Variants in TMCC1 observed in about 807,000 individuals in gnomAD.
TMCC1 encodes the protein transmembrane and coiled-coil domains protein 1.
In TMCC1, 15 loss-of-function variants were observed where a neutral mutation model predicts 52.4. The ratio of observed to expected loss-of-function variants is 0.29; its 90% CI spans 0.19 to 0.44. The LOEUF (loss-of-function observed/expected upper bound fraction) is 0.44, where lower values mean the gene tolerates loss of function less well. TMCC1 is among the 20% of genes least tolerant of loss of function. The pLI, the probability that TMCC1 is intolerant of heterozygous loss-of-function variation, is 1.00. For synonymous variants in TMCC1, 279 were observed against 301.9 expected (o/e 0.92, Z 0.79); for missense variants, 503 against 806.0 (o/e 0.62, Z 4.55).
chr3:129,715,328 GC>G (rs1461195883), intron 4 of TMCC1, among the ~76,000 whole-genome samples: 10 of 152,222 alleles, frequency 6.6e-5, no homozygotes, highest in Non-Finnish European at 1.3e-4. Context: ...GGAGGCCGAG[GC>G]AGGGGAATCA....
At chr3:129,867,438 T>A (rs1261978748) in intron 2 of TMCC1, among the ~76,000 whole-genome samples, 1 of 152,226 alleles carries the variant, frequency 6.6e-6, no homozygotes, top group African/African-American at 2.4e-5. Flanking sequence ...CCATATGGCC[T>A]TCAATAGCTA....
intron 5 of TMCC1, among the ~76,000 whole-genome samples, chr3:129,656,050 T>C (rs1027589660): frequency 6.6e-6 from 1 of 152,214 alleles, no homozygotes; most frequent in African/African-American, 2.4e-5. Context: ...GATTCTAGAA[T>C]TGATATTAAA....
At chr3:129,791,492 A>C (rs2056461807) in intron 4 of TMCC1, among the ~76,000 whole-genome samples, 1 of 152,156 alleles carries the variant, frequency 6.6e-6, no homozygotes, top group Non-Finnish European at 1.5e-5. Flanking sequence ...ATCTTGTCCA[A>C]ATGACTTAAC....
At chr3:129,786,077 T>C (rs1480902553) in intron 4 of TMCC1, among the ~76,000 whole-genome samples, 2 of 151,890 alleles carry the variant, frequency 1.3e-5, no homozygotes, top group African/African-American at 4.8e-5. Flanking sequence ...TGGGATTACA[T>C]TACAGGTGTG....
chr3:129,866,315 TATATATAC>T (rs1212722630), intron 2 of TMCC1, among the ~76,000 whole-genome samples: 60 of 144,508 alleles, frequency 4.2e-4, no homozygotes, highest in Admixed American at 1.5e-3. Context: ...ATACATATAT[TATATATAC>T]ATATATACAT....
At position 129,796,590 on chromosome 3, in the gene TMCC1, C is replaced by CA. The variant is rs541985759; in HGVS notation, c.576+31212dup. ...ATCCCAATGCTTTGGGAGGCTAAGA[C>CA]AGGAGGATCACTTGACACCAGGAGT... On this transcript the variant is annotated intron_variant, in intron 4 of 6. Coordinates refer to ENST00000393238, the MANE Select transcript of TMCC1 (RefSeq NM_001017395.5). 4.6e-3 allele frequency among the ~76,000 whole-genome samples: 693 copies of CA among 152,270 alleles called. 8 individuals are homozygous for CA. Among genetic ancestry groups the CA allele is most frequent in the African/African-American group, 0.016 (659 of 41,560 alleles).
chr3:129,651,604 G>C lies in TMCC1; in HGVS notation c.1839C>G (p.Pro613=). The C allele has an allele frequency of 6.2e-7, 1 of 1,614,214 alleles. No homozygotes were observed. Among genetic ancestry groups the C allele is most frequent in the African/African-American group, 1.3e-5 (1 of 75,052 alleles). ...FVSTVANCVV[P]LMKTRNRTFS... ...ACGTCCTGTTGCGAGTCTTCATGAGGGGGACCACACAGTTGGCTACAGTGG... is the reference window on the plus strand; with the variant it reads ...ACGTCCTGTTGCGAGTCTTCATGAGCGGGACCACACAGTTGGCTACAGTGG... The change falls in exon 7 of 7, where the codon CCC becomes CCG. Residue 613 remains proline (P), a synonymous_variant. Transcript: ENST00000393238. The surrounding 1 kb of genome is among the most constrained non-coding windows in gnomAD (Gnocchi z 5.1).
chr3:129,716,941 C>A (rs1689913976), intron 4 of TMCC1, among the ~76,000 whole-genome samples: 1 of 152,192 alleles, frequency 6.6e-6, no homozygotes, highest in Admixed American at 6.5e-5. Flanking sequence ...GTCTGTGTTT[C>A]AGTGACATTT....
intron 4 of TMCC1, among the ~76,000 whole-genome samples, chr3:129,764,833 A>G (rs1393585585): frequency 1.1e-4 from 13 of 113,584 alleles, no homozygotes; most frequent in Non-Finnish European, 2.1e-4. Context: ...ATGGGGTCTC[A>G]CTCTGTCACC....
intron 4 of TMCC1, among the ~76,000 whole-genome samples, chr3:129,779,590 A>T (rs529532106): frequency 3.9e-5 from 6 of 152,326 alleles, no homozygotes; most frequent in Admixed American, 2.6e-4. Flanking sequence ...ACATACTGAG[A>T]GTCTTTATGC....
intron 4 of TMCC1, among the ~76,000 whole-genome samples, chr3:129,698,487 G>T (rs986555176): frequency 2.6e-5 from 4 of 152,176 alleles, no homozygotes; most frequent in Non-Finnish European, 5.9e-5. Context: ...CTGTCTGGGA[G>T]AGAATATAAA....
intron 4 of TMCC1, among the ~76,000 whole-genome samples, chr3:129,763,471 A>G (rs1171385808): frequency 7.1e-6 from 1 of 140,068 alleles, no homozygotes; most frequent in African/African-American, 2.6e-5. Context: ...GCCTGAACCC[A>G]GGAGGTGGTT....
intron 4 of TMCC1, among the ~76,000 whole-genome samples, chr3:129,754,744 G>A (rs932623461): frequency 6.6e-6 from 1 of 152,056 alleles, no homozygotes; most frequent in African/African-American, 2.4e-5. Flanking sequence ...TAGCCCATAA[G>A]CCTAAACATT....
intron 4 of TMCC1, among the ~76,000 whole-genome samples, chr3:129,738,532 T>C (rs1274362547): frequency 1.3e-5 from 2 of 152,172 alleles, no homozygotes; most frequent in Non-Finnish European, 2.9e-5. Flanking sequence ...AAAAAACTTT[T>C]AATAACAACT....
intron 1 of TMCC1, among the ~76,000 whole-genome samples, chr3:129,885,394 C>T (rs1018130307): frequency 1.3e-5 from 2 of 151,930 alleles, no homozygotes; most frequent in Non-Finnish European, 2.9e-5. Context: ...TCAAGACCGG[C>T]CTGACCAACA....
rs190359609 is a variant in TMCC1, at chr3:129,701,981, T to A, written c.577-30717A>T. Among the ~76,000 whole-genome samples the A allele has an allele frequency of 3.9e-3, 595 of 152,218 alleles. 5 individuals carry two copies. Among genetic ancestry groups the A allele is most frequent in the Non-Finnish European group, 6.3e-3 (429 of 68,016 alleles). On this transcript the variant is annotated intron_variant, in intron 4 of 6. Coordinates refer to ENST00000393238, the MANE Select transcript of TMCC1 (RefSeq NM_001017395.5). ...TTGTTTTTTAAAAAATAGAAAAAAA[T>A]TTTTTAAAAATAAAATGGTATAATA...
At chr3:129,769,928 C>T (rs530566240) in intron 4 of TMCC1, among the ~76,000 whole-genome samples, 89 of 152,192 alleles carry the variant, frequency 5.8e-4, no homozygotes, top group African/African-American at 2.1e-3. Context: ...ATTTGTCTAC[C>T]CTTTCCTTTA....
At chr3:129,868,212 C>T (rs1181647482) in intron 2 of TMCC1, among the ~76,000 whole-genome samples, 4 of 152,056 alleles carry the variant, frequency 2.6e-5, no homozygotes, top group East Asian at 1.9e-4. Context: ...TATGAAAATT[C>T]GCATACTATT....
chr3:129,764,340 C>T (rs993372381), intron 4 of TMCC1, among the ~76,000 whole-genome samples: 1 of 152,148 alleles, frequency 6.6e-6, no homozygotes, highest in Non-Finnish European at 1.5e-5. Flanking sequence ...TTAAACAGGA[C>T]ACTCTGCCAC....
Sources: gnomAD v4.1 joint callset for allele counts (sites outside exome capture counted in the v4.1 genomes callset) on GRCh38, gnomAD v4.1.1 for gene constraint, Gnocchi (gnomAD v3.1) non-coding constraint, MANE v1.5 for transcripts, NCBI Gene and HGNC (gene_info 2026-07-23, HGNC 2026-07-21) for gene names.